The following MYO5A variants were observed in gnomAD, a reference collection of about 807,000 sequenced individuals.
MYO5A encodes the protein unconventional myosin-Va.
MYO5A carries 98 observed loss-of-function variants against 249.7 expected under a neutral mutation model. The ratio of observed to expected loss-of-function variants is 0.39; its 90% CI spans 0.33 to 0.46. The LOEUF is 0.46. MYO5A is among the 20% of genes least tolerant of loss of function. MYO5A has a pLI of 0.98. For missense variants in MYO5A, 1,696 were observed against 2,308.8 expected (o/e 0.73, Z 5.44); for synonymous variants, 778 against 810.6 (o/e 0.96, Z 0.68).
intron 1 of MYO5A, among the ~76,000 whole-genome samples, chr15:52,442,083 G>C (rs1274457144): frequency 6.6e-6 from 1 of 152,194 alleles, no homozygotes; most frequent in Admixed American, 6.5e-5. Flanking sequence ...GAGCAGAGAA[G>C]TAATGAGAAA....
intron 1 of MYO5A, among the ~76,000 whole-genome samples, chr15:52,503,907 G>T (rs1188187384): frequency 6.6e-6 from 1 of 152,124 alleles, no homozygotes; most frequent in Non-Finnish European, 1.5e-5. Flanking sequence ...ACAGGAATGG[G>T]TTAGCACATG....
intron 11 of MYO5A, among the ~76,000 whole-genome samples, chr15:52,393,771 T>C (rs1472920399): frequency 1.3e-5 from 2 of 152,228 alleles, no homozygotes; most frequent in African/African-American, 2.4e-5. Context: ...ATTTATGTCA[T>C]GCTAACAAGA....
chr15:52,466,831 C>A (rs529920146), intron 1 of MYO5A, among the ~76,000 whole-genome samples: 2 of 152,276 alleles, frequency 1.3e-5, no homozygotes, highest in South Asian at 4.1e-4. Context: ...GCCTGAAGAG[C>A]CCACTGCAAC....
chr15:52,390,550 TTTTTTTTTTC>T (rs1290723346), intron 12 of MYO5A, among the ~76,000 whole-genome samples: 8 of 148,520 alleles, frequency 5.4e-5, no homozygotes, highest in African/African-American at 2.0e-4. Flanking sequence ...CTCCCTCTCT[TTTTTTTTTTC>T]TTTTTTTTTT....
intron 9 of MYO5A, among the ~76,000 whole-genome samples, chr15:52,398,588 C>A (rs1247830814): frequency 6.6e-6 from 1 of 152,178 alleles, no homozygotes; most frequent in Non-Finnish European, 1.5e-5. Context: ...CTTTCATCCC[C>A]CTTTCTCCCA....
At chr15:52,360,973 C>T (rs1195817439) in intron 24 of MYO5A, among the ~76,000 whole-genome samples, 2 of 152,282 alleles carry the variant, frequency 1.3e-5, no homozygotes, top group Non-Finnish European at 1.5e-5. Context: ...TTTCTTTGTA[C>T]CTTTCCCCAG....
At position 52,342,566 on chromosome 15, in the gene MYO5A, T is replaced by C. The variant is rs1161238216; in HGVS notation, c.4040+551A>G. Among the ~76,000 whole-genome samples, 3 of 152,210 alleles carry C rather than the reference T, an allele frequency of 2.0e-5. No homozygotes were observed. The East Asian group carries it at 5.8e-4, about 29-fold the overall frequency. On this transcript the variant is annotated intron_variant, in intron 31 of 41. Transcript: ENST00000399233. ...TTAGTGTCTGAAGGGAAGTGTCTTATATTCACCACCATTCAATTTTAGCTT... is the reference window on the plus strand; with the variant it reads ...TTAGTGTCTGAAGGGAAGTGTCTTACATTCACCACCATTCAATTTTAGCTT...
rs751025747 is a variant in MYO5A at position 52,528,760 on chromosome 15, C to T, written c.27+20G>A. Reference sequence around the variant, plus strand: ...GGCCGCACAGCCCCAGTCCTCGACGCCGGCCGCGGGGTGCCTTACCTTTGT... The same window carrying T: ...GGCCGCACAGCCCCAGTCCTCGACGTCGGCCGCGGGGTGCCTTACCTTTGT... On this transcript the variant is annotated intron_variant, in intron 1 of 41. Coordinates refer to ENST00000399233, the MANE Select transcript of MYO5A (RefSeq NM_001382347.1). 2.9e-4 allele frequency: 432 copies of T among 1,503,692 alleles called. No individual in the cohort carries two copies. Among genetic ancestry groups the T allele is most frequent in the Non-Finnish European group, 3.1e-4 (349 of 1,133,270 alleles). The allele number at this position is 1,503,692 out of a possible 1,614,324, so 93.1% of individuals were successfully genotyped here.
At chr15:52,375,155 T>C (rs1425610507) in intron 20 of MYO5A, 149 bp downstream of exon 20, 1 of 831,794 alleles carries the variant, frequency 1.2e-6, no homozygotes, top group Non-Finnish European at 1.8e-6. Context: ...TAAAAAAGAA[T>C]TTTTTAAAAT....
At position 52,311,594 on chromosome 15, in the gene MYO5A, A is replaced by G. The variant is rs974751508; in HGVS notation, c.*2102T>C. 1 of 152,260 alleles carries G rather than the reference A, an allele frequency of 6.6e-6. No individual in the cohort carries two copies. The highest frequency in any genetic ancestry group is 1.9e-4 in the East Asian group (1 of 5,206). The allele number at this position is 152,260 out of a possible 1,614,324, so 9.4% of individuals were successfully genotyped here. On this transcript the variant is annotated 3_prime_UTR_variant, in exon 42 of 42. Transcript: ENST00000399233. The stretch of plus-strand genomic sequence containing the variant: ...AAATATAGTAGGACCTTCTAAAAGC[A>G]TGTACATAAATCATGTACATTTAAG...
intron 1 of MYO5A, among the ~76,000 whole-genome samples, chr15:52,509,463 T>TGACAGCATGATCAGCTGACA (rs1415076681): frequency 6.6e-6 from 1 of 152,190 alleles, no homozygotes; most frequent in Non-Finnish European, 1.5e-5. Context: ...AAAAACTCCA[T>TGACAGCATGATCAGCTGACA]GACAGCATGA....
At chr15:52,461,853 C>T (rs2076255828) in intron 1 of MYO5A, among the ~76,000 whole-genome samples, 1 of 151,510 alleles carries the variant, frequency 6.6e-6, no homozygotes, top group Non-Finnish European at 1.5e-5. Flanking sequence ...CCCAGCTACT[C>T]AGGAGGCTGA....
chr15:52,379,546 T>C (rs748949817), intron 18 of MYO5A, 79 bp downstream of exon 18: 2 of 1,280,006 alleles, frequency 1.6e-6, no homozygotes, highest in East Asian at 4.6e-5. Context: ...TAAAATGTTA[T>C]ACAAAAGTTC....
rs1384730881 is a variant in MYO5A, at chr15:52,310,766, CAG to C, written c.*2928_*2929del. 6.6e-6 allele frequency: 1 copy of C among 152,432 alleles called. No homozygotes were observed. The highest frequency in any genetic ancestry group is 1.5e-5 in the Non-Finnish European group (1 of 68,262). The allele number at this position is 152,432 out of a possible 1,614,324, so 9.4% of individuals were successfully genotyped here. Reference sequence around the variant, plus strand: ...AAGTTGGGTGAGAAAGTGTGGCTGACAGAGAGAAAGAACCTCAGAGGGAAAGC... The same window carrying C: ...AAGTTGGGTGAGAAAGTGTGGCTGACAGAGAAAGAACCTCAGAGGGAAAGC... On this transcript the variant is annotated 3_prime_UTR_variant, in exon 42 of 42. Coordinates refer to ENST00000399233, the MANE Select transcript of MYO5A (RefSeq NM_001382347.1).
At chr15:52,393,137 T>G (rs1463726474) in intron 11 of MYO5A, among the ~76,000 whole-genome samples, 1 of 152,212 alleles carries the variant, frequency 6.6e-6, no homozygotes, top group Non-Finnish European at 1.5e-5. Context: ...TGCTACTCAT[T>G]CTTGGGGAGT....
chr15:52,332,738 C>G (rs1261127375), intron 34 of MYO5A, among the ~76,000 whole-genome samples: 4 of 152,134 alleles, frequency 2.6e-5, no homozygotes, highest in African/African-American at 4.8e-5. Flanking sequence ...CCAAGGCAGG[C>G]AGATCACCTG....
intron 1 of MYO5A, among the ~76,000 whole-genome samples, chr15:52,450,002 CA>C (rs987737689): frequency 4.1e-5 from 6 of 147,604 alleles, no homozygotes; most frequent in South Asian, 4.3e-4. Flanking sequence ...ATCCTGTCTC[CA>C]AAAAAAAAAT....
rs1460851762 is a variant in MYO5A, at chr15:52,433,270, T to C, written c.43A>G (p.Ile15Val). 2 of 1,613,248 alleles carry C rather than the reference T, an allele frequency of 1.2e-6. No homozygotes were observed. Among genetic ancestry groups the C allele is most frequent in the African/African-American group, 1.3e-5 (1 of 74,836 alleles). ...ELYTKFARVW[I>V]PDPEEVWKSA... ...TTCCAGACTTCCTCTGGATCAGGTA[T>C]CCAAACCCTGGCAAACTAGAAGACA... Residue 15 changes from isoleucine (I) to valine (V), a missense_variant, in exon 2 of 42, where the codon ATA (isoleucine) becomes GTA (valine). Physicochemically the swap from Ile to Val is conservative, Grantham distance 29. This residue lies in a region of MYO5A where 197 missense variants were observed against 320.3 expected (regional missense o/e 0.62). Coordinates refer to ENST00000399233, the MANE Select transcript of MYO5A (RefSeq NM_001382347.1).
At chr15:52,425,190 T>C (rs2075367862) in intron 4 of MYO5A, among the ~76,000 whole-genome samples, 1 of 152,246 alleles carries the variant, frequency 6.6e-6, no homozygotes, top group South Asian at 2.1e-4. Flanking sequence ...CTATTACTCA[T>C]TCGCTGACTG....
Sources: gnomAD v4.1 joint callset for allele counts (sites outside exome capture counted in the v4.1 genomes callset) on GRCh38, gnomAD v4.1.1 for gene constraint, gnomAD v4.1.1 regional missense constraint, MANE v1.5 for transcripts, NCBI Gene and HGNC (gene_info 2026-07-23, HGNC 2026-07-21) for gene names.